The following SYNJ2BP variants were observed in gnomAD, a reference collection of about 807,000 sequenced individuals.
SYNJ2BP encodes synaptojanin-2-binding protein.
Under a neutral mutation model 16.9 loss-of-function variants are expected in SYNJ2BP, and 10 were observed. The observed-to-expected ratio is 0.59, with a 90% confidence interval of 0.36 to 1.00. The LOEUF is 1.00. Ranked by LOEUF, SYNJ2BP falls within the 50% of genes least tolerant of loss-of-function variation. The pLI is 0.01. For synonymous variants in SYNJ2BP, 54 were observed against 68.4 expected, an observed-to-expected ratio of 0.79 and a Z score of 1.04; for missense variants, 162 against 186.7, an observed-to-expected ratio of 0.87 and a Z score of 0.77.
chr14:70,376,560 T>C lies in SYNJ2BP; in HGVS notation c.202-789A>G, dbSNP rs374181625. ...CCACTTAGTGCAAGATTACATATCT[T>C]TTATACTTGTCAATGTCATCGTTAA... On this transcript the variant is annotated intron_variant, in intron 2 of 3. Coordinates refer to ENST00000256366, the MANE Select transcript of SYNJ2BP (RefSeq NM_018373.3). Among the ~76,000 whole-genome samples, 11 of 152,370 alleles carry C rather than the reference T, an allele frequency of 7.2e-5. No individual in the cohort carries two copies. The East Asian group carries it at 2.1e-3, about 29-fold the overall frequency.
chr14:70,383,699 T>C (rs1017802044), intron 2 of SYNJ2BP, among the ~76,000 whole-genome samples: 5 of 152,154 alleles, frequency 3.3e-5, no homozygotes, highest in Non-Finnish European at 5.9e-5. Context: ...TTTCTAAAAA[T>C]AAAAATTAAA....
In SYNJ2BP at chr14:70,397,592, C is replaced by T. The variant is rs550537957; in HGVS notation, c.65-8986G>A. ...GCTGGACCAGGCGTAGCGCGAGCAG[C>T]TTCTACAGCTGGCACTGGGGAACAC... On this transcript the variant is annotated intron_variant, in intron 1 of 3. Coordinates refer to ENST00000256366, the MANE Select transcript of SYNJ2BP (RefSeq NM_018373.3). Among the ~76,000 whole-genome samples the T allele has an allele frequency of 2.6e-5, 4 of 152,302 alleles. No individual in the cohort carries two copies. The East Asian group carries it at 7.7e-4, about 29-fold the overall frequency.
intron 1 of SYNJ2BP, among the ~76,000 whole-genome samples, chr14:70,401,431 GA>G (rs1477630008): frequency 2.0e-5 from 3 of 149,444 alleles, no homozygotes; most frequent in Middle Eastern, 3.4e-3. Flanking sequence ...TTTAATAAAA[GA>G]AAAAAAGCTT....
chr14:70,378,412 C>T (rs1213844070), intron 2 of SYNJ2BP, among the ~76,000 whole-genome samples: 1 of 149,206 alleles, frequency 6.7e-6, no homozygotes, highest in Admixed American at 6.7e-5. Context: ...TTGCCACTAT[C>T]ATTCCTTCAA....
Position 70,401,175 on chromosome 14 carries a change from GA to G in SYNJ2BP, c.65-12570del, listed in dbSNP as rs535436445. On this transcript the variant is annotated intron_variant, in intron 1 of 3. Coordinates refer to ENST00000256366, the MANE Select transcript of SYNJ2BP (RefSeq NM_018373.3). ...ATAATTCATTTGCAAGCACAAGAGGGAAAAAAAAAGCTGGTTTTAGAACCGT... is the reference window on the plus strand; with the variant it reads ...ATAATTCATTTGCAAGCACAAGAGGGAAAAAAAAGCTGGTTTTAGAACCGT... 6.6e-5 allele frequency among the ~76,000 whole-genome samples: 10 copies of G among 150,616 alleles called. No homozygotes were observed. The East Asian group carries it at 7.8e-4, about 12-fold the overall frequency.
chr14:70,372,845 G>GGAGACT lies in SYNJ2BP; in HGVS notation c.*140_*145dup. ...CTTTCCCATTAGAATATGAAGAATT[G>GGAGACT]GAGACTGTGAACAGCAAGGTTTGGG... On this transcript the variant is annotated 3_prime_UTR_variant, in exon 4 of 4. Coordinates refer to ENST00000256366, the MANE Select transcript of SYNJ2BP (RefSeq NM_018373.3). 8.5e-7 allele frequency: 1 copy of GGAGACT among 1,176,618 alleles called. No individual in the cohort carries two copies. The highest frequency in any genetic ancestry group is 1.2e-6 in the Non-Finnish European group (1 of 840,574). The allele number at this position is 1,176,618 out of a possible 1,614,324, so 72.9% of individuals were successfully genotyped here.
At chr14:70,407,347 G>C (rs755939573) in intron 1 of SYNJ2BP, among the ~76,000 whole-genome samples, 2 of 151,254 alleles carry the variant, frequency 1.3e-5, no homozygotes, top group Non-Finnish European at 2.9e-5. Flanking sequence ...AGAATGGCGT[G>C]ATCTCCTGGG....
chr14:70,397,454 C>A (rs150051945), intron 1 of SYNJ2BP, among the ~76,000 whole-genome samples: 1 of 152,194 alleles, frequency 6.6e-6, no homozygotes, highest in Non-Finnish European at 1.5e-5. Flanking sequence ...CATTTTGGCA[C>A]TCTGTTGTTT....
At chr14:70,403,581 C>G (rs963364507) in intron 1 of SYNJ2BP, among the ~76,000 whole-genome samples, 6 of 152,136 alleles carry the variant, frequency 3.9e-5, no homozygotes, top group African/African-American at 1.4e-4. Context: ...ACACTCCCAC[C>G]AGCGCCAAGA....
chr14:70,386,982 T>C (rs957913665), intron 2 of SYNJ2BP, among the ~76,000 whole-genome samples: 1 of 152,206 alleles, frequency 6.6e-6, no homozygotes, highest in Non-Finnish European at 1.5e-5. Context: ...TCTTGCCCTA[T>C]TCAGTTCTAA....
intron 1 of SYNJ2BP, among the ~76,000 whole-genome samples, chr14:70,394,102 C>T (rs747830499): frequency 6.6e-6 from 1 of 150,682 alleles, no homozygotes; most frequent in African/African-American, 2.4e-5. Context: ...TACAAGGTAA[C>T]CAGGCTTGTA....
chr14:70,373,814 T>C (rs906731103), intron 3 of SYNJ2BP, among the ~76,000 whole-genome samples: 1 of 152,248 alleles, frequency 6.6e-6, no homozygotes, highest in Admixed American at 6.5e-5. Flanking sequence ...TGAGGCTGGA[T>C]GGTCTTCATT....
At chr14:70,411,646 A>C (rs1377133424) in intron 1 of SYNJ2BP, among the ~76,000 whole-genome samples, 3 of 152,196 alleles carry the variant, frequency 2.0e-5, no homozygotes, top group Admixed American at 2.0e-4. Flanking sequence ...GGCCATACTC[A>C]TCCCTGACTC....
intron 1 of SYNJ2BP, among the ~76,000 whole-genome samples, chr14:70,393,059 A>G (rs1304313096): frequency 6.6e-6 from 1 of 152,218 alleles, no homozygotes; most frequent in Non-Finnish European, 1.5e-5. Context: ...CAATCTATCC[A>G]TCTGACAAAG....
intron 1 of SYNJ2BP, among the ~76,000 whole-genome samples, chr14:70,416,618 G>T (rs995757140): frequency 6.6e-6 from 1 of 152,066 alleles, no homozygotes; most frequent in Non-Finnish European, 1.5e-5. Context: ...AAAAAAGCAG[G>T]CTTTTAAAAA....
intron 2 of SYNJ2BP, among the ~76,000 whole-genome samples, chr14:70,380,660 T>A (rs1274716465): frequency 2.1e-4 from 9 of 42,994 alleles, no homozygotes; most frequent in Admixed American, 8.6e-4. Context: ...AGACTCTGTC[T>A]CAAAAAAAAA....
intron 1 of SYNJ2BP, among the ~76,000 whole-genome samples, chr14:70,406,526 T>C (rs182099620): frequency 6.6e-6 from 1 of 152,364 alleles, no homozygotes; most frequent in African/African-American, 2.4e-5. Flanking sequence ...TTAGAAATTA[T>C]GATTTAGGAG....
intron 3 of SYNJ2BP, among the ~76,000 whole-genome samples, chr14:70,374,716 A>C (rs1172684211): frequency 1.3e-5 from 2 of 152,134 alleles, no homozygotes; most frequent in African/African-American, 4.8e-5. Flanking sequence ...CACCAAGTTG[A>C]TAAATGAAGG....
intron 1 of SYNJ2BP, among the ~76,000 whole-genome samples, chr14:70,403,503 G>A (rs751632239): frequency 1.3e-5 from 2 of 152,178 alleles, no homozygotes; most frequent in Admixed American, 6.5e-5. Flanking sequence ...AAAACAGGCT[G>A]CTGTAAAGAA....
Sources: allele counts gnomAD v4.1 joint callset (sites outside exome capture counted in the v4.1 genomes callset), GRCh38; gene constraint gnomAD v4.1.1; transcripts MANE v1.5; gene names NCBI Gene and HGNC (gene_info 2026-07-23, HGNC 2026-07-21).